The following ASTN2 variants were observed in gnomAD, a reference collection of about 807,000 sequenced individuals.
The protein encoded by ASTN2 is astrotactin-2.
Under a neutral mutation model 139.8 loss-of-function variants are expected in ASTN2, and 54 were observed. That is an observed-to-expected ratio of 0.39 (90% CI 0.31 to 0.48). The LOEUF is 0.48. ASTN2 is among the 20% of genes least tolerant of loss of function. The pLI is 0.95. For synonymous variants in ASTN2, 756 were observed against 719.5 expected (o/e 1.05, Z -0.81); for missense variants, 1,565 against 1,725.1 (o/e 0.91, Z 1.64).
chr9:117,034,475 A>T (rs1034839880), intron 6 of ASTN2, among the ~76,000 whole-genome samples: 1 of 152,184 alleles, frequency 6.6e-6, no homozygotes, highest in East Asian at 1.9e-4. Flanking sequence ...GATAAAGTCA[A>T]AGGTGGAGGA....
intron 19 of ASTN2, among the ~76,000 whole-genome samples, chr9:116,573,130 C>T (rs1032017153): frequency 2.0e-4 from 31 of 152,088 alleles, no homozygotes; most frequent in African/African-American, 5.8e-4. Context: ...CTATTTCCTG[C>T]GTTATAGAAG....
intron 10 of ASTN2, among the ~76,000 whole-genome samples, chr9:116,934,002 T>TTTTTTTTTTTTTTTTTTTTTTTTTTTTTC (rs1588422835): frequency 8.2e-6 from 1 of 121,310 alleles, no homozygotes; most frequent in South Asian, 2.7e-4. Context: ...TTTTTTTTTT[T>TTTTTTTTTTTTTTTTTTTTTTTTTTTTTC]CTGGATCAAG....
intron 19 of ASTN2, among the ~76,000 whole-genome samples, chr9:116,549,537 C>A (rs562906843): frequency 6.6e-6 from 1 of 152,310 alleles, no homozygotes; most frequent in East Asian, 1.9e-4. Flanking sequence ...ACTTCCTCAC[C>A]CTGTTTCCAG....
At chr9:117,309,698 C>A (rs1046770913) in intron 1 of ASTN2, among the ~76,000 whole-genome samples, 1 of 152,162 alleles carries the variant, frequency 6.6e-6, no homozygotes, top group African/African-American at 2.4e-5. Context: ...AGTGGGGCAG[C>A]CCTCCTATAC....
At chr9:117,296,819 T>G (rs1033053601) in intron 1 of ASTN2, among the ~76,000 whole-genome samples, 4 of 152,142 alleles carry the variant, frequency 2.6e-5, no homozygotes, top group African/African-American at 9.7e-5. Context: ...CTTTTCACCT[T>G]TTTCTGCTCT....
intron 10 of ASTN2, among the ~76,000 whole-genome samples, chr9:116,884,488 T>G (rs1186443589): frequency 1.3e-5 from 2 of 152,112 alleles, no homozygotes; most frequent in African/African-American, 4.8e-5. Flanking sequence ...CACATGGTCT[T>G]TCCTCTGTGC....
intron 5 of ASTN2, among the ~76,000 whole-genome samples, chr9:117,065,873 T>C (rs1393305980): frequency 6.6e-6 from 1 of 152,154 alleles, no homozygotes; most frequent in African/African-American, 2.4e-5. Context: ...CAAATAGGCA[T>C]ATGCTCTGAT....
At chr9:116,473,009 T>C (rs1848864846) in intron 20 of ASTN2, among the ~76,000 whole-genome samples, 1 of 152,176 alleles carries the variant, frequency 6.6e-6, no homozygotes, top group South Asian at 2.1e-4. Flanking sequence ...CTTCCCATCT[T>C]AGTTTCCTTG....
chr9:117,108,316 G>A (rs906687571), intron 4 of ASTN2, among the ~76,000 whole-genome samples: 1 of 152,078 alleles, frequency 6.6e-6, no homozygotes, highest in South Asian at 2.1e-4. Context: ...CCTCTTCAGG[G>A]TGACATCAGA....
intron 6 of ASTN2, among the ~76,000 whole-genome samples, chr9:117,011,339 C>T (rs1238743980): frequency 6.6e-6 from 1 of 152,092 alleles, no homozygotes; most frequent in Non-Finnish European, 1.5e-5. Context: ...GGGTGGAGCC[C>T]CTAAATGGGA....
At chr9:116,826,434 C>T (rs1168307926) in intron 11 of ASTN2, among the ~76,000 whole-genome samples, 2 of 152,160 alleles carry the variant, frequency 1.3e-5, no homozygotes, top group African/African-American at 4.8e-5. Context: ...CAGCCACCAC[C>T]CTGCTGGGAG....
chr9:117,074,822 T>A, intron 5 of ASTN2, among the ~76,000 whole-genome samples: 1 of 152,248 alleles, frequency 6.6e-6, no homozygotes, highest in Non-Finnish European at 1.5e-5. Context: ...TTTATGTATA[T>A]GCATAGGAAT....
intron 10 of ASTN2, among the ~76,000 whole-genome samples, chr9:116,883,521 T>A (rs1833510184): frequency 6.6e-6 from 1 of 152,178 alleles, no homozygotes; most frequent in African/African-American, 2.4e-5. Flanking sequence ...CTGGATACAT[T>A]CTTGTAGATT....
intron 16 of ASTN2, chr9:116,701,079 G>C (rs1311592663): frequency 1.2e-5 from 2 of 167,116 alleles, no homozygotes; most frequent in African/African-American, 4.8e-5. Context: ...GAGAGGACCT[G>C]TGATGAGGTT....
intron 16 of ASTN2, among the ~76,000 whole-genome samples, chr9:116,674,049 C>A (rs1374662198): frequency 6.6e-6 from 1 of 152,194 alleles, no homozygotes; most frequent in Non-Finnish European, 1.5e-5. Context: ...CTTTCCAAAG[C>A]AGACCTCCTT....
chr9:117,072,279 C>A (rs1382935567), intron 5 of ASTN2, among the ~76,000 whole-genome samples: 2 of 152,190 alleles, frequency 1.3e-5, no homozygotes, highest in Admixed American at 6.5e-5. Context: ...GGTATTCCAG[C>A]TCCTTGGGAG....
rs183365266 is a variant in ASTN2, at chr9:117,359,120, T to C, written c.442+55377A>G. On this transcript the variant is annotated intron_variant, in intron 1 of 22. Coordinates refer to ENST00000313400, the MANE Select transcript of ASTN2 (RefSeq NM_001365068.1). ...AAAACAGTGTCTAATGTGAAAAGGA[T>C]CAAACTTGTATTCTGGACAATTCCA... Among the ~76,000 whole-genome samples the C allele has an allele frequency of 5.5e-4, 83 of 152,258 alleles. 1 individual carries two copies. In the East Asian group the frequency reaches 0.011, roughly 20 times the overall value.
intron 13 of ASTN2, among the ~76,000 whole-genome samples, chr9:116,739,885 T>C (rs1267073855): frequency 6.6e-6 from 1 of 152,222 alleles, no homozygotes; most frequent in African/African-American, 2.4e-5. Context: ...ACCACATCTA[T>C]TATGAAGCCC....
chr9:116,507,104 G>A (rs1435772073), intron 19 of ASTN2, among the ~76,000 whole-genome samples: 4 of 152,176 alleles, frequency 2.6e-5, no homozygotes. Flanking sequence ...CATTCACAGA[G>A]ATACTGTGAA....
Sources: allele counts gnomAD v4.1 joint callset (sites outside exome capture counted in the v4.1 genomes callset), GRCh38; gene constraint gnomAD v4.1.1; transcripts MANE v1.5; gene names NCBI Gene and HGNC (gene_info 2026-07-23, HGNC 2026-07-21).